NEMP1: variants seen among roughly 807,000 people sequenced by gnomAD.
NEMP1 encodes transmembrane protein 194.
A neutral mutation model predicts 53.7 loss-of-function variants in NEMP1; 29 were observed. That is an observed-to-expected ratio of 0.54 (90% CI 0.40 to 0.74). The LOEUF is 0.74. NEMP1 is among the 30% of genes least tolerant of loss of function. The probability of loss-of-function intolerance (pLI) is 0.00; values close to 1 mark genes in which losing one functional copy is unlikely to be tolerated. For synonymous variants in NEMP1, 193 were observed against 192.9 expected (o/e 1.00, Z 0.00); for missense variants, 477 against 528.6 (o/e 0.90, Z 0.96).
At chr12:57,080,996 C>G (rs2136525959), upstream of NEMP1, among the ~76,000 whole-genome samples, 1 of 152,172 alleles carries the variant, frequency 6.6e-6, no homozygotes, top group Middle Eastern at 3.4e-3. Flanking sequence ...ATATGGTCAT[C>G]CTGTATTTCA....
chr12:57,078,519 C>T, intron 1 of NEMP1, 100 bp downstream of exon 1: 2 of 1,456,018 alleles, frequency 1.4e-6, no homozygotes, highest in South Asian at 1.4e-5. Flanking sequence ...AGAGCCACCG[C>T]CCTTCTGCAG....
chr12:57,075,155 G>C (rs2032542656), intron 1 of NEMP1, among the ~76,000 whole-genome samples: 1 of 151,566 alleles, frequency 6.6e-6, no homozygotes, highest in African/African-American at 2.4e-5. Flanking sequence ...GGGAGGCCGA[G>C]GCAGGTGGAT....
chr12:57,072,491 C>A (rs950505442), intron 2 of NEMP1, among the ~76,000 whole-genome samples: 3 of 152,072 alleles, frequency 2.0e-5, no homozygotes, highest in Non-Finnish European at 2.9e-5. Flanking sequence ...TGTGCGTGCA[C>A]ACACACATAC....
chr12:57,063,320 A>G lies in NEMP1; in HGVS notation c.779T>C (p.Met260Thr). The change falls in exon 7 of 9, where the codon ATG becomes ACG. Residue 260 changes from methionine to threonine, a missense_variant. Met to Thr is a moderately conservative substitution (Grantham distance 81). Transcript: ENST00000300128. ...LLSYVLTVGF[M>T]SFAVCYKYGP... ...ATACTTGTAACATACTGCAAAACTCATGAATCCAACTGTGAGGACATAACC... is the reference window on the plus strand; with the variant it reads ...ATACTTGTAACATACTGCAAAACTCGTGAATCCAACTGTGAGGACATAACC... The G allele has an allele frequency of 6.2e-7, 1 of 1,613,404 alleles. No individual in the cohort carries two copies.
chr12:57,080,311 GC>G (rs2032806192), upstream of NEMP1, among the ~76,000 whole-genome samples: 1 of 152,178 alleles, frequency 6.6e-6, no homozygotes, highest in Non-Finnish European at 1.5e-5. Flanking sequence ...GGGCATGGTG[GC>G]TCAGGTCTGT....
intron 1 of NEMP1, among the ~76,000 whole-genome samples, chr12:57,085,989 G>GA (rs2032979155): frequency 6.6e-6 from 1 of 152,192 alleles, no homozygotes; most frequent in African/African-American, 2.4e-5. Context: ...GATTTCGGCT[G>GA]AAACAAGCAA....
At chr12:57,066,797 T>C (rs913018106) in intron 4 of NEMP1, among the ~76,000 whole-genome samples, 1 of 150,102 alleles carries the variant, frequency 6.7e-6, no homozygotes, top group Non-Finnish European at 1.5e-5. Flanking sequence ...ATGGGGGCAG[T>C]TGCCCTCATA....
chr12:57,069,206 C>T, intron 4 of NEMP1, 28 bp downstream of exon 4: 1 of 1,491,704 alleles, frequency 6.7e-7, no homozygotes, highest in Non-Finnish European at 9.0e-7. Flanking sequence ...TGAGCCGTTT[C>T]ATTCTGCACA....
chr12:57,080,081 T>G (rs1175566139), upstream of NEMP1, among the ~76,000 whole-genome samples: 1 of 152,184 alleles, frequency 6.6e-6, no homozygotes, highest in Non-Finnish European at 1.5e-5. Context: ...CACTTCAATC[T>G]CCCAAGTAGC....
chr12:57,086,537 CCA>C (rs958567780), intron 1 of NEMP1, among the ~76,000 whole-genome samples: 50 of 151,360 alleles, frequency 3.3e-4, no homozygotes, highest in African/African-American at 1.1e-3. Context: ...TCCCCCCCCC[CCA>C]CACACACACC....
intron 7 of NEMP1, among the ~76,000 whole-genome samples, chr12:57,061,958 C>T (rs1386315261): frequency 6.6e-6 from 1 of 151,842 alleles, no homozygotes; most frequent in African/African-American, 2.4e-5. Flanking sequence ...GAGATAGCAC[C>T]ACTGCACTCC....
At chr12:57,077,289 GC>G (rs1447497431) in intron 1 of NEMP1, among the ~76,000 whole-genome samples, 2 of 146,608 alleles carry the variant, frequency 1.4e-5, no homozygotes, top group Non-Finnish European at 3.0e-5. Context: ...CCGAGATCTG[GC>G]CACTGCACTC....
chr12:57,061,003 C>T lies in NEMP1; in HGVS notation c.981-58G>A, dbSNP rs2031772789. 5.8e-6 allele frequency: 9 copies of T among 1,553,960 alleles called. No individual in the cohort carries two copies. The South Asian group carries it at 1.1e-4, about 19-fold the overall frequency. ...AATCAGTAATCTATATCCATCCTTACTTCTAGCTCCCTTCAGTGGGCCAAG... is the reference window on the plus strand; with the variant it reads ...AATCAGTAATCTATATCCATCCTTATTTCTAGCTCCCTTCAGTGGGCCAAG... On this transcript the variant is annotated intron_variant, in intron 7 of 8. Transcript: ENST00000300128.
At chr12:57,075,195 G>A (rs1291879991) in intron 1 of NEMP1, among the ~76,000 whole-genome samples, 1 of 151,482 alleles carries the variant, frequency 6.6e-6, no homozygotes, top group African/African-American at 2.4e-5. Context: ...AACCATCCTG[G>A]CTAACAAGGT....
At chr12:57,075,938 C>T (rs181139020) in intron 1 of NEMP1, among the ~76,000 whole-genome samples, 1 of 151,576 alleles carries the variant, frequency 6.6e-6, no homozygotes, top group African/African-American at 2.4e-5. Context: ...TCCCACTCTA[C>T]TAAAAATACA....
At chr12:57,080,899 A>G (rs112410784), upstream of NEMP1, among the ~76,000 whole-genome samples, 1,174 of 151,936 alleles carry the variant, frequency 7.7e-3, 18 homozygotes, top group African/African-American at 0.027. Flanking sequence ...GTCTCAAAAA[A>G]AAAAAAAAAA....
Position 57,072,777 on chromosome 12 carries a change from C to A in NEMP1, c.252+11G>T. On this transcript the variant is annotated intron_variant, in intron 2 of 8. Coordinates refer to ENST00000300128, the MANE Select transcript of NEMP1 (RefSeq NM_001130963.2). Reference sequence around the variant, plus strand: ...AGAAGCTGCCACTGCCAGAGGATTCCAAGTTATTACCTGTATCCGTGTCCA... The same window carrying A: ...AGAAGCTGCCACTGCCAGAGGATTCAAAGTTATTACCTGTATCCGTGTCCA... The A allele has an allele frequency of 6.3e-7, 1 of 1,580,808 alleles. No individual in the cohort carries two copies. The highest frequency in any genetic ancestry group is 8.6e-7 in the Non-Finnish European group (1 of 1,159,736).
Position 57,055,643 on chromosome 12 carries a change from T to C in NEMP1, c.*4236A>G, listed in dbSNP as rs563151484. On this transcript the variant is annotated 3_prime_UTR_variant, in exon 9 of 9. Coordinates refer to ENST00000300128, the MANE Select transcript of NEMP1 (RefSeq NM_001130963.2). ...ATGTTCATTAAGAAAGACCACAATATATCTATAAAACTTTTATTAAAATTG... is the reference window on the plus strand; with the variant it reads ...ATGTTCATTAAGAAAGACCACAATACATCTATAAAACTTTTATTAAAATTG... 5 of 152,316 alleles carry C rather than the reference T, an allele frequency of 3.3e-5. No individual in the cohort carries two copies. Among genetic ancestry groups the C allele is most frequent in the African/African-American group, 1.2e-4 (5 of 41,572 alleles). 9.4% of individuals were successfully genotyped at this position (152,316 alleles called of 1,614,324 possible). A position where few individuals can be genotyped will look rare whatever the true frequency, so the allele number is the denominator to read the frequency against.
chr12:57,078,588 GC>G (rs2032739177), intron 1 of NEMP1, 30 bp downstream of exon 1: 2 of 1,590,628 alleles, frequency 1.3e-6, no homozygotes, highest in Non-Finnish European at 1.7e-6. Context: ...CTCGGCACCT[GC>G]CCCCTTGGCA....
Sources: gnomAD v4.1 joint callset for allele counts (sites outside exome capture counted in the v4.1 genomes callset) on GRCh38, gnomAD v4.1.1 for gene constraint, MANE v1.5 for transcripts, NCBI Gene and HGNC (gene_info 2026-07-23, HGNC 2026-07-21) for gene names.